PIK3C2G: variants seen among roughly 807,000 people sequenced by gnomAD.
The protein encoded by PIK3C2G is phosphatidylinositol-4-phosphate 3-kinase catalytic subunit type 2 gamma, also known as phosphatidylinositol 3-kinase C2 domain-containing subunit gamma.
A neutral mutation model predicts 181.1 loss-of-function variants in PIK3C2G; 168 were observed. The observed-to-expected ratio is 0.93, with a 90% CI of 0.82 to 1.05. PIK3C2G has a LOEUF of 1.05. Among genes scored for constraint, PIK3C2G ranks in the 50% least tolerant of loss-of-function variants. PIK3C2G has a pLI of 0.00. For missense variants in PIK3C2G, 1,869 were observed against 1,732.8 expected (o/e 1.08, Z -1.40); for synonymous variants, 573 against 592.2 (o/e 0.97, Z 0.47).
intron 31 of PIK3C2G, among the ~76,000 whole-genome samples, chr12:18,616,632 T>G (rs1186642427): frequency 6.6e-6 from 1 of 152,074 alleles, no homozygotes; most frequent in South Asian, 2.1e-4. Flanking sequence ...GACTAAAATT[T>G]CATTTATTCT....
chr12:18,691,573 G>A, the PIK3C2G span, among the ~76,000 whole-genome samples: 2 of 152,116 alleles, frequency 1.3e-5, no homozygotes, highest in Non-Finnish European at 2.9e-5. Flanking sequence ...GGAAGGTAGG[G>A]GGTAAAAGGA....
At chr12:18,425,445 G>A (rs1298315532) in intron 18 of PIK3C2G, among the ~76,000 whole-genome samples, 1 of 133,284 alleles carries the variant, frequency 7.5e-6, no homozygotes, top group Non-Finnish European at 1.5e-5. Flanking sequence ...AGGCTGGAGT[G>A]CAGTGGTGCA....
chr12:18,325,191 A>ATTTTT, intron 8 of PIK3C2G, 93 bp downstream of exon 8: 1 of 608,654 alleles, frequency 1.6e-6, no homozygotes, highest in Admixed American at 3.2e-5. Flanking sequence ...GAAGATGACA[A>ATTTTT]AAATGAATAA....
At chr12:18,425,837 T>G (rs1945776353) in intron 18 of PIK3C2G, among the ~76,000 whole-genome samples, 1 of 152,250 alleles carries the variant, frequency 6.6e-6, no homozygotes, top group Admixed American at 6.5e-5. Context: ...TGAAAAGATT[T>G]CCTGAAGTTA....
the PIK3C2G span, among the ~76,000 whole-genome samples, chr12:18,656,329 G>A: frequency 6.6e-6 from 1 of 152,144 alleles, no homozygotes; most frequent in Non-Finnish European, 1.5e-5. Flanking sequence ...TGTAATCCCA[G>A]CACTTTAGGA....
chr12:18,470,797 AG>A (rs1310761518), intron 18 of PIK3C2G, among the ~76,000 whole-genome samples: 4 of 152,140 alleles, frequency 2.6e-5, no homozygotes, highest in Non-Finnish European at 5.9e-5. Context: ...TGTCAACAGA[AG>A]GGAGGAAAGA....
At chr12:18,675,878 AG>A in the PIK3C2G span, among the ~76,000 whole-genome samples, 1 of 144,906 alleles carries the variant, frequency 6.9e-6, no homozygotes, top group Non-Finnish European at 1.5e-5. Flanking sequence ...GAAGGGTGGG[AG>A]GGGGGTGAGG....
At chr12:18,411,164 A>G (rs1196860349) in intron 16 of PIK3C2G, among the ~76,000 whole-genome samples, 16 of 152,192 alleles carry the variant, frequency 1.1e-4, no homozygotes, top group Admixed American at 1.0e-3. Context: ...TTTAGAATGC[A>G]ATAAAATAAA....
At chr12:18,390,163 G>A (rs761034546) in intron 14 of PIK3C2G, among the ~76,000 whole-genome samples, 1 of 151,978 alleles carries the variant, frequency 6.6e-6, no homozygotes, top group Non-Finnish European at 1.5e-5. Context: ...TATAACAAAC[G>A]TTAGAGGTTA....
In PIK3C2G at chr12:18,487,096, TTGTGTGTGTGTG is replaced by T. The variant is rs35440588; in HGVS notation, c.2505-1325_2505-1314del. Among the ~76,000 whole-genome samples the T allele has an allele frequency of 7.5e-4, 107 of 142,198 alleles. 1 individual carries two copies. Among genetic ancestry groups the T allele is most frequent in the African/African-American group, 2.4e-3 (92 of 38,058 alleles). The allele number at this position is 142,198 out of a possible 152,430, so 93.3% of individuals were successfully genotyped here. A position where few individuals can be genotyped will look rare whatever the true frequency, so the allele number is the denominator to read the frequency against. On this transcript the variant is annotated intron_variant, in intron 18 of 32. Coordinates refer to ENST00000538779, the MANE Select transcript of PIK3C2G (RefSeq NM_001288772.2). Reference sequence around the variant, plus strand: ...TACATCTTTAGTCCCTTGAGGTATTTTGTGTGTGTGTGTGTGTGTGTGTGTGTGTGTGTGTGT... The same window carrying T: ...TACATCTTTAGTCCCTTGAGGTATTTTGTGTGTGTGTGTGTGTGTGTGTGT...
chr12:18,634,412 A>T (rs757090588), intron 31 of PIK3C2G, among the ~76,000 whole-genome samples: 4 of 152,224 alleles, frequency 2.6e-5, no homozygotes, highest in Non-Finnish European at 5.9e-5. Flanking sequence ...TGGATAAGGC[A>T]TTCTACAAGT....
At chr12:18,354,689 C>T (rs1420492752) in intron 11 of PIK3C2G, among the ~76,000 whole-genome samples, 1 of 152,186 alleles carries the variant, frequency 6.6e-6, no homozygotes, top group African/African-American at 2.4e-5. Context: ...GGCTAATAGG[C>T]ATTTTTCCTC....
intron 29 of PIK3C2G, among the ~76,000 whole-genome samples, chr12:18,586,633 C>G (rs1321235379): frequency 6.6e-6 from 1 of 152,064 alleles, no homozygotes; most frequent in African/African-American, 2.4e-5. Context: ...CTGAATTCTA[C>G]CAGATGTTTA....
At chr12:18,319,710 G>A (rs1336660665) in intron 6 of PIK3C2G, among the ~76,000 whole-genome samples, 1 of 152,148 alleles carries the variant, frequency 6.6e-6, no homozygotes, top group Admixed American at 6.5e-5. Flanking sequence ...AAGAAGACAA[G>A]TGCCAAATAT....
upstream of PIK3C2G, among the ~76,000 whole-genome samples, chr12:18,243,108 T>A (rs1272265591): frequency 1.3e-5 from 2 of 152,100 alleles, no homozygotes; most frequent in Non-Finnish European, 2.9e-5. Context: ...GTTTTCAACA[T>A]CAAGATTATT....
chr12:18,689,715 G>A, the PIK3C2G span, among the ~76,000 whole-genome samples: 1 of 152,280 alleles, frequency 6.6e-6, no homozygotes, highest in African/African-American at 2.4e-5. Flanking sequence ...TTAGAAAGCA[G>A]TCCTGTAGCT....
At chr12:18,551,577 C>A (rs1944731162) in intron 26 of PIK3C2G, among the ~76,000 whole-genome samples, 1 of 152,054 alleles carries the variant, frequency 6.6e-6, no homozygotes, top group Admixed American at 6.6e-5. Context: ...ATGATCTGCT[C>A]GTCAGCTAAA....
chr12:18,361,789 C>T (rs1941258284), intron 11 of PIK3C2G, among the ~76,000 whole-genome samples: 1 of 152,076 alleles, frequency 6.6e-6, no homozygotes, highest in African/African-American at 2.4e-5. Flanking sequence ...ATGCTGCCTC[C>T]CATCAGTGCT....
chr12:18,560,994 C>A (rs1410856507), intron 26 of PIK3C2G, among the ~76,000 whole-genome samples: 1 of 152,046 alleles, frequency 6.6e-6, no homozygotes, highest in African/African-American at 2.4e-5. Context: ...TTATGGCACT[C>A]AAAAAGAAAA....
Sources: allele counts gnomAD v4.1 joint callset (sites outside exome capture counted in the v4.1 genomes callset), GRCh38; gene constraint gnomAD v4.1.1; transcripts MANE v1.5; gene names NCBI Gene and HGNC (gene_info 2026-07-23, HGNC 2026-07-21).